Variants in LRCH1 observed in about 807,000 individuals in gnomAD.
The protein encoded by LRCH1 is leucine rich repeats and calponin homology domain containing 1.
Under a neutral mutation model 94.9 loss-of-function variants are expected in LRCH1, and 23 were observed. The observed-to-expected ratio is 0.24, with a 90% CI of 0.17 to 0.34. The LOEUF is 0.34. LRCH1 is among the 10% of genes least tolerant of loss of function. LRCH1 has a pLI of 1.00. For synonymous variants in LRCH1, 364 were observed against 354.9 expected (o/e 1.03, Z -0.29); for missense variants, 790 against 945.9 (o/e 0.84, Z 2.16).
chr13:46,612,697 T>TTTGTTTTTG (rs2050760918), intron 1 of LRCH1, among the ~76,000 whole-genome samples: 2 of 152,074 alleles, frequency 1.3e-5, no homozygotes, highest in African/African-American at 2.4e-5. Context: ...TGTTTATGAG[T>TTTGTTTTTG]TTTCAAAACA....
intron 1 of LRCH1, among the ~76,000 whole-genome samples, chr13:46,610,836 A>G (rs2050740382): frequency 6.6e-6 from 1 of 152,210 alleles, no homozygotes; most frequent in Non-Finnish European, 1.5e-5. Flanking sequence ...TCCGTCTGAC[A>G]TGTTCTGCAC....
intron 1 of LRCH1, among the ~76,000 whole-genome samples, chr13:46,600,004 G>C (rs1443069168): frequency 1.3e-5 from 2 of 152,218 alleles, no homozygotes; most frequent in African/African-American, 4.8e-5. Flanking sequence ...TTTAAAAATA[G>C]CTTACTTAAA....
At chr13:46,670,813 A>T (rs1298082661) in intron 3 of LRCH1, among the ~76,000 whole-genome samples, 1 of 93,044 alleles carries the variant, frequency 1.1e-5, no homozygotes, top group Non-Finnish European at 2.2e-5. Flanking sequence ...TCCTAGGAGG[A>T]AAAAAGAAGT....
chr13:46,567,726 A>C (rs1594249222), intron 1 of LRCH1, among the ~76,000 whole-genome samples: 1 of 152,286 alleles, frequency 6.6e-6, no homozygotes, highest in Non-Finnish European at 1.5e-5. Context: ...TAAATCTGAT[A>C]TATTTTATAA....
intron 3 of LRCH1, among the ~76,000 whole-genome samples, chr13:46,675,623 GA>G (rs2051661467): frequency 6.6e-6 from 1 of 152,148 alleles, no homozygotes; most frequent in Admixed American, 6.5e-5. Flanking sequence ...AGCTGCTGAG[GA>G]AAATCCCTTC....
At chr13:46,660,615 G>A (rs1423696463) in intron 2 of LRCH1, among the ~76,000 whole-genome samples, 3 of 152,338 alleles carry the variant, frequency 2.0e-5, no homozygotes, top group African/African-American at 7.2e-5. Flanking sequence ...TATTTGACAT[G>A]ATAGCGCCTT....
intron 2 of LRCH1, among the ~76,000 whole-genome samples, chr13:46,662,200 G>A (rs1447979918): frequency 6.6e-6 from 1 of 152,190 alleles, no homozygotes. Flanking sequence ...CTTCCTGATA[G>A]TAGGAAACTA....
chr13:46,742,347 T>A lies in LRCH1; in HGVS notation c.*499T>A. ...ACTAACATTTTGGCCCAACTTGATCTATACAAAACTTTAATAATACCACTA... is the reference window on the plus strand; with the variant it reads ...ACTAACATTTTGGCCCAACTTGATCAATACAAAACTTTAATAATACCACTA... On this transcript the variant is annotated 3_prime_UTR_variant, in exon 20 of 20. Coordinates refer to ENST00000389797, the MANE Select transcript of LRCH1 (RefSeq NM_001164211.2). The A allele has an allele frequency of 2.0e-6, 2 of 999,036 alleles. No homozygotes were observed. Among genetic ancestry groups the A allele is most frequent in the Non-Finnish European group, 2.4e-6 (2 of 837,602 alleles). The allele number at this position is 999,036 out of a possible 1,614,324, so 61.9% of individuals were successfully genotyped here.
chr13:46,613,382 G>A (rs1475252846), intron 1 of LRCH1, among the ~76,000 whole-genome samples: 3 of 75,694 alleles, frequency 4.0e-5, no homozygotes, highest in Non-Finnish European at 7.2e-5. Context: ...GCGAGACCCC[G>A]TCTGAAAAAA....
intron 1 of LRCH1, among the ~76,000 whole-genome samples, chr13:46,588,596 C>CTTTT (rs139602811): frequency 1.0e-5 from 1 of 100,144 alleles, no homozygotes; most frequent in Non-Finnish European, 2.0e-5. Context: ...CTCTCTCTGT[C>CTTTT]TTTTTTTTTT....
intron 1 of LRCH1, among the ~76,000 whole-genome samples, chr13:46,558,646 T>C (rs939835752): frequency 5.5e-5 from 8 of 146,438 alleles, no homozygotes; most frequent in African/African-American, 2.1e-4. Flanking sequence ...GGCATGAGAA[T>C]TGCTTGAACC....
intron 14 of LRCH1, 26 bp from the exon 15 acceptor site, chr13:46,712,499 A>G (rs531085258): frequency 1.3e-6 from 2 of 1,564,308 alleles, no homozygotes; most frequent in African/African-American, 2.7e-5. Context: ...TTTTTTTCCT[A>G]ATTTCCTTTC....
At chr13:46,566,237 C>T (rs2050182826) in intron 1 of LRCH1, among the ~76,000 whole-genome samples, 1 of 152,206 alleles carries the variant, frequency 6.6e-6, no homozygotes, top group Non-Finnish European at 1.5e-5. Flanking sequence ...ATAGCAAACA[C>T]TTCTACCAGA....
chr13:46,623,693 G>GTTTTTTT (rs5803361), intron 1 of LRCH1, among the ~76,000 whole-genome samples: 19 of 128,492 alleles, frequency 1.5e-4, no homozygotes, highest in African/African-American at 2.9e-4. Flanking sequence ...CCCTGTCTCT[G>GTTTTTTT]TTTTTTTTTT....
At chr13:46,598,169 AAT>A (rs1291790685) in intron 1 of LRCH1, among the ~76,000 whole-genome samples, 1 of 152,188 alleles carries the variant, frequency 6.6e-6, no homozygotes, top group Non-Finnish European at 1.5e-5. Flanking sequence ...ATAAAATGAC[AAT>A]AGAGTTTAAA....
chr13:46,684,818 A>C (rs1459631673), intron 4 of LRCH1, among the ~76,000 whole-genome samples: 3 of 152,240 alleles, frequency 2.0e-5, no homozygotes, highest in Non-Finnish European at 4.4e-5. Context: ...TAAAAAACAC[A>C]GTCCCTTACA....
intron 1 of LRCH1, among the ~76,000 whole-genome samples, chr13:46,562,360 C>T (rs547356113): frequency 3.9e-5 from 6 of 152,278 alleles, no homozygotes; most frequent in African/African-American, 7.2e-5. Flanking sequence ...ATCAAGGTGT[C>T]GGCAGGTTTG....
At chr13:46,675,655 C>T (rs1403770773) in intron 3 of LRCH1, among the ~76,000 whole-genome samples, 8 of 152,110 alleles carry the variant, frequency 5.3e-5, no homozygotes, top group South Asian at 2.1e-4. Flanking sequence ...GCTTGGGTAG[C>T]GTTCCAATCT....
intron 3 of LRCH1, among the ~76,000 whole-genome samples, chr13:46,673,817 G>A: frequency 7.4e-6 from 1 of 135,826 alleles, no homozygotes; most frequent in African/African-American, 2.8e-5. Context: ...TGCAGCGGCT[G>A]TCGCCGAGGC....
Sources: gnomAD v4.1 joint callset for allele counts (sites outside exome capture counted in the v4.1 genomes callset) on GRCh38, gnomAD v4.1.1 for gene constraint, MANE v1.5 for transcripts, NCBI Gene and HGNC (gene_info 2026-07-23, HGNC 2026-07-21) for gene names.